Variants in EDNRB observed in about 807,000 individuals in gnomAD.
The protein encoded by EDNRB is endothelin receptor type B, also known as Hirschsprung disease 2.
In EDNRB, 18 loss-of-function variants were observed where a neutral mutation model predicts 46.4. That is an observed-to-expected ratio of 0.39 (90% confidence interval 0.27 to 0.57). The LOEUF is 0.57. Among genes scored for constraint, EDNRB ranks in the 20% least tolerant of loss-of-function variants. The pLI is 0.61. For missense variants in EDNRB, 434 were observed against 537.5 expected (o/e 0.81, Z 1.90); for synonymous variants, 213 against 204.9 (o/e 1.04, Z -0.34).
chr13:77,928,102 T>A (rs1264434733), intron 1 of EDNRB, among the ~76,000 whole-genome samples: 2 of 152,210 alleles, frequency 1.3e-5, no homozygotes, highest in Non-Finnish European at 2.9e-5. Context: ...TTACCCAGTC[T>A]CACATATGTC....
chr13:77,931,764 A>C (rs1480327395), intron 1 of EDNRB, among the ~76,000 whole-genome samples: 3 of 141,042 alleles, frequency 2.1e-5, no homozygotes, highest in South Asian at 2.3e-4. Context: ...AAAAAAACAA[A>C]AAAAAAAAAA....
rs1878668008 is a variant in EDNRB, at chr13:77,897,074, T to C, written c.*1126A>G. 9 of 985,950 alleles carry C rather than the reference T, an allele frequency of 9.1e-6. No individual in the cohort carries two copies. Among genetic ancestry groups the C allele is most frequent in the Non-Finnish European group, 9.6e-6 (8 of 830,386 alleles). The allele number at this position is 985,950 out of a possible 1,614,324, so 61.1% of individuals were successfully genotyped here. A position where few individuals can be genotyped will look rare whatever the true frequency, so the allele number is the denominator to read the frequency against. The stretch of plus-strand genomic sequence containing the variant: ...AGTATTTTAACTATAGCATTATACA[T>C]ATGCTAGAAACCATTTTAACCACAG... On this transcript the variant is annotated 3_prime_UTR_variant, in exon 7 of 7. Coordinates refer to ENST00000646607, the MANE Select transcript of EDNRB (RefSeq NM_001122659.3).
intron 1 of EDNRB, among the ~76,000 whole-genome samples, chr13:77,927,501 A>C (rs1024570666): frequency 2.6e-5 from 4 of 152,232 alleles, no homozygotes; most frequent in Non-Finnish European, 5.9e-5. Context: ...TTGGCAAGAA[A>C]GTAGACCTGA....
At chr13:77,926,732 C>A (rs1880249515) in intron 1 of EDNRB, among the ~76,000 whole-genome samples, 1 of 152,182 alleles carries the variant, frequency 6.6e-6, no homozygotes, top group African/African-American at 2.4e-5. Flanking sequence ...ATTTTTTCAG[C>A]AATGCCCCAC....
At chr13:77,911,386 A>G (rs1309322998) in intron 1 of EDNRB, among the ~76,000 whole-genome samples, 3 of 152,100 alleles carry the variant, frequency 2.0e-5, no homozygotes, top group Non-Finnish European at 2.9e-5. Context: ...TCTGATTACT[A>G]TGGAATCTGA....
intron 1 of EDNRB, among the ~76,000 whole-genome samples, chr13:77,931,917 G>A (rs1040199408): frequency 1.3e-5 from 2 of 152,070 alleles, no homozygotes; most frequent in African/African-American, 2.4e-5. Context: ...GCAAGAGATA[G>A]TAGCTCACAA....
Position 77,970,346 on chromosome 13 carries a change from ACTC to A in EDNRB, c.-52+4998_-52+5000del, listed in dbSNP as rs1479439534. On this transcript the variant is annotated intron_variant, in intron 1 of 7. Transcript: ENST00000646948. Reference sequence around the variant, plus strand: ...TGTAGCAGGACGAGCCACAGACAAAACTCCTCAGACACCGAGTTAAAGAAGGAA... The same window carrying A: ...TGTAGCAGGACGAGCCACAGACAAAACTCAGACACCGAGTTAAAGAAGGAA... Among the ~76,000 whole-genome samples the A allele has an allele frequency of 2.6e-5, 4 of 152,100 alleles. 1 individual carries two copies. The East Asian group carries it at 7.7e-4, about 29-fold the overall frequency.
rs371218105 is a variant in EDNRB at position 77,903,220 on chromosome 13, T to C, written c.737A>G (p.Asp246Gly). The stretch of plus-strand genomic sequence containing the variant: ...GATTCGCAGATAACTTCCTTTGTAG[T>C]CCATCGTAATTATATCAAAACCTAT... The part of the protein sequence containing the change: ...EAIGFDIITM[D>G]YKGSYLRICL... The change falls in exon 3 of 7, where the codon GAC becomes GGC. Residue 246 changes from aspartate to glycine, a missense_variant. Transcript: ENST00000646607. 1.2e-5 allele frequency: 20 copies of C among 1,612,906 alleles called. No individual in the cohort carries two copies. The highest frequency in any genetic ancestry group is 1.5e-5 in the Non-Finnish European group (18 of 1,179,370).
chr13:77,962,782 C>A (rs545635946), intron 1 of EDNRB, among the ~76,000 whole-genome samples: 1 of 152,064 alleles, frequency 6.6e-6, no homozygotes, highest in Non-Finnish European at 1.5e-5. Flanking sequence ...GGCAATCAGG[C>A]AGGAGAAAGA....
At chr13:77,909,079 T>C (rs751909435) in intron 1 of EDNRB, among the ~76,000 whole-genome samples, 3 of 152,004 alleles carry the variant, frequency 2.0e-5, no homozygotes, top group Non-Finnish European at 4.4e-5. Flanking sequence ...ATACTGCTTC[T>C]CTAGAACATT....
At chr13:77,899,771 A>G in intron 6 of EDNRB, 88 bp downstream of exon 6, 1 of 968,424 alleles carries the variant, frequency 1.0e-6, no homozygotes, top group South Asian at 1.4e-5. Context: ...AATTTACTAA[A>G]TCTGTCTGGA....
chr13:77,943,055 CTGACT>C (rs1458085291), intron 1 of EDNRB, among the ~76,000 whole-genome samples: 7 of 152,076 alleles, frequency 4.6e-5, no homozygotes, highest in African/African-American at 1.7e-4. Flanking sequence ...AAATCAATTC[CTGACT>C]TAAGTTATTC....
chr13:77,938,157 G>A (rs1826320409), intron 1 of EDNRB, among the ~76,000 whole-genome samples: 1 of 152,062 alleles, frequency 6.6e-6, no homozygotes. Flanking sequence ...AGGAATGGAG[G>A]GTGGAAGGTT....
At position 77,909,692 on chromosome 13, in the gene EDNRB, G is replaced by A. The variant is rs115497716; in HGVS notation, c.484-6085C>T. ...CTAGTACAGTGATTGGCACACAGTG[G>A]TCACTCATTCAATGTTTGTTAAGTA... is the stretch of plus-strand genomic sequence containing the variant. On this transcript the variant is annotated intron_variant, in intron 1 of 6. Coordinates refer to ENST00000646607, the MANE Select transcript of EDNRB (RefSeq NM_001122659.3). Among the ~76,000 whole-genome samples the A allele has an allele frequency of 9.7e-3, 1,478 of 152,064 alleles. 23 individuals are homozygous for A. The highest frequency in any genetic ancestry group is 0.033 in the African/African-American group (1,372 of 41,512).
intron 1 of EDNRB, among the ~76,000 whole-genome samples, chr13:77,907,010 T>C (rs530840391): frequency 6.6e-5 from 10 of 152,096 alleles, no homozygotes; most frequent in Admixed American, 2.0e-4. Context: ...ACAAAATGTT[T>C]AGAATTAAAT....
At chr13:77,911,432 T>G (rs933662186) in intron 1 of EDNRB, among the ~76,000 whole-genome samples, 4 of 151,906 alleles carry the variant, frequency 2.6e-5, no homozygotes, top group African/African-American at 9.7e-5. Context: ...ACTGAGTGAG[T>G]GGGAAGAAGA....
At chr13:77,966,927 C>T (rs902199790) in intron 1 of EDNRB, among the ~76,000 whole-genome samples, 6 of 152,166 alleles carry the variant, frequency 3.9e-5, no homozygotes, top group African/African-American at 1.4e-4. Context: ...GCTGACATGT[C>T]TTATTAGTCA....
intron 1 of EDNRB, among the ~76,000 whole-genome samples, chr13:77,906,648 C>A (rs573070287): frequency 6.6e-6 from 1 of 151,992 alleles, no homozygotes; most frequent in African/African-American, 2.4e-5. Context: ...TAATTTGCCA[C>A]GTCTGTGAAT....
chr13:77,950,868 A>C (rs895073482), intron 1 of EDNRB, among the ~76,000 whole-genome samples: 1 of 152,150 alleles, frequency 6.6e-6, no homozygotes, highest in Non-Finnish European at 1.5e-5. Flanking sequence ...CCTACTGGTG[A>C]GTTCTTTGGA....
Sources: allele counts gnomAD v4.1 joint callset (sites outside exome capture counted in the v4.1 genomes callset), GRCh38; gene constraint gnomAD v4.1.1; transcripts MANE v1.5; gene names NCBI Gene and HGNC (gene_info 2026-07-23, HGNC 2026-07-21).